MAP3K20: variants seen among roughly 807,000 people sequenced by gnomAD.
MAP3K20 encodes the protein mitogen-activated protein kinase kinase kinase 20.
A neutral mutation model predicts 85.7 loss-of-function variants in MAP3K20; 40 were observed. That is an observed-to-expected ratio of 0.47 (90% CI 0.36 to 0.61). The LOEUF (loss-of-function observed/expected upper bound fraction) is 0.61. Among genes scored for constraint, MAP3K20 ranks in the 20% least tolerant of loss-of-function variants. MAP3K20 has a pLI of 0.00. For missense variants in MAP3K20, 817 were observed against 961.7 expected, an observed-to-expected ratio of 0.85 and a Z score of 1.99; for synonymous variants, 325 against 327.7, an observed-to-expected ratio of 0.99 and a Z score of 0.09.
intron 2 of MAP3K20, among the ~76,000 whole-genome samples, chr2:173,140,276 C>T (rs575855337): frequency 6.6e-6 from 1 of 152,252 alleles, no homozygotes; most frequent in Admixed American, 6.5e-5. Flanking sequence ...TCCCAAAGTG[C>T]TGGGATTACA....
At chr2:173,094,214 C>A (rs912214063) in intron 2 of MAP3K20, among the ~76,000 whole-genome samples, 4 of 152,002 alleles carry the variant, frequency 2.6e-5, no homozygotes, top group Non-Finnish European at 4.4e-5. Context: ...TTATTCTTCC[C>A]CTACACTCAC....
At position 173,170,700 on chromosome 2, in the gene MAP3K20, T is replaced by C. The variant is rs750810629; in HGVS notation, c.247+808T>C. On this transcript the variant is annotated intron_variant, in intron 3 of 19. Transcript: ENST00000375213. ...AACAAAACACCCTCAATAAAAAGGA[T>C]TGTATTAAGTACTTTCTATAAATTA... Among the ~76,000 whole-genome samples, 57 of 152,300 alleles carry C rather than the reference T, an allele frequency of 3.7e-4. No individual in the cohort carries two copies. The Middle Eastern group carries it at 0.017, about 45-fold the overall frequency.
At chr2:173,137,582 T>C (rs12995819) in intron 2 of MAP3K20, among the ~76,000 whole-genome samples, 1 of 152,200 alleles carries the variant, frequency 6.6e-6, no homozygotes. Flanking sequence ...TTTTATTTTG[T>C]CTCTTTTCTC....
chr2:173,122,952 C>A (rs1322835302), intron 2 of MAP3K20, among the ~76,000 whole-genome samples: 1 of 152,182 alleles, frequency 6.6e-6, no homozygotes, highest in African/African-American at 2.4e-5. Flanking sequence ...AGGAAAATAA[C>A]TACAGAGTTT....
intron 17 of MAP3K20, among the ~76,000 whole-genome samples, chr2:173,259,707 A>G (rs1354135708): frequency 1.3e-5 from 2 of 152,280 alleles, no homozygotes; most frequent in Non-Finnish European, 2.9e-5. Context: ...GCAAGTGGAC[A>G]TCAAGCAGAT....
chr2:173,179,505 C>T lies in MAP3K20; in HGVS notation c.248-3349C>T, dbSNP rs188548732. ...AACCCACAGCTAATATCTTATTCCA[C>T]GGTGAAAAGCTGAATGTTTTCTCCC... On this transcript the variant is annotated intron_variant, in intron 3 of 19. Transcript: ENST00000375213. Among the ~76,000 whole-genome samples the T allele has an allele frequency of 2.6e-5, 4 of 152,118 alleles. No individual in the cohort carries two copies. In the East Asian group the frequency reaches 7.7e-4, roughly 29 times the overall value.
chr2:173,254,387 T>C (rs1685112659), intron 16 of MAP3K20, among the ~76,000 whole-genome samples: 1 of 149,776 alleles, frequency 6.7e-6, no homozygotes, highest in African/African-American at 2.5e-5. Flanking sequence ...TGAGCCAAGA[T>C]TGTGCCACTG....
chr2:173,225,796 T>A (rs1684371407), intron 11 of MAP3K20: 5 of 985,010 alleles, frequency 5.1e-6, no homozygotes, highest in Non-Finnish European at 3.6e-6. Context: ...TTATCTTAAA[T>A]CACCATTTCC....
intron 1 of MAP3K20, among the ~76,000 whole-genome samples, chr2:173,089,310 CT>C (rs367944567): frequency 1.2e-4 from 19 of 152,138 alleles, no homozygotes; most frequent in African/African-American, 4.1e-4. Context: ...TTCCTATGTA[CT>C]TTTTTGGATG....
intron 14 of MAP3K20, among the ~76,000 whole-genome samples, chr2:173,233,139 A>G (rs1346477504): frequency 6.6e-6 from 1 of 152,192 alleles, no homozygotes; most frequent in African/African-American, 2.4e-5. Flanking sequence ...TGCCTGGAAA[A>G]CAGCCATCCA....
intron 11 of MAP3K20, among the ~76,000 whole-genome samples, chr2:173,217,640 CACTG>C (rs1234971042): frequency 3.9e-5 from 6 of 152,200 alleles, no homozygotes; most frequent in African/African-American, 1.2e-4. Context: ...TCCAGCAGCT[CACTG>C]ACTAACAGAG....
intron 2 of MAP3K20, among the ~76,000 whole-genome samples, chr2:173,162,108 A>G (rs1689676472): frequency 6.9e-6 from 1 of 144,580 alleles, no homozygotes; most frequent in Non-Finnish European, 1.5e-5. Flanking sequence ...TCTTTCTGCC[A>G]CTTAGAAATA....
At chr2:173,161,758 T>C (rs575541420) in intron 2 of MAP3K20, among the ~76,000 whole-genome samples, 1 of 152,302 alleles carries the variant, frequency 6.6e-6, no homozygotes, top group South Asian at 2.1e-4. Flanking sequence ...TCCACATCTT[T>C]AGTCTCATAG....
chr2:173,095,121 T>C (rs6759787), intron 2 of MAP3K20, among the ~76,000 whole-genome samples: 64,264 of 152,054 alleles, frequency 0.42, 14,857 homozygotes, highest in African/African-American at 0.6. Context: ...CTTTTTGGAA[T>C]TCAGAATGTT....
At chr2:173,260,582 T>C (rs946792422) in intron 17 of MAP3K20, among the ~76,000 whole-genome samples, 1 of 152,178 alleles carries the variant, frequency 6.6e-6, no homozygotes, top group Non-Finnish European at 1.5e-5. Flanking sequence ...AACATAACCA[T>C]GGTTTCTTCA....
intron 2 of MAP3K20, among the ~76,000 whole-genome samples, chr2:173,137,291 A>G (rs1688824083): frequency 6.6e-6 from 1 of 152,232 alleles, no homozygotes; most frequent in Non-Finnish European, 1.5e-5. Context: ...AAACACCTGG[A>G]CTAAAGAATA....
intron 7 of MAP3K20, among the ~76,000 whole-genome samples, chr2:173,191,662 A>G (rs1163538290): frequency 2.0e-5 from 3 of 152,256 alleles, no homozygotes; most frequent in East Asian, 1.9e-4. Context: ...TAAAAGTCCA[A>G]AAGAAAATGT....
intron 1 of MAP3K20, among the ~76,000 whole-genome samples, chr2:173,079,630 AT>A (rs933806702): frequency 1.5e-4 from 23 of 151,244 alleles, no homozygotes; most frequent in Non-Finnish European, 2.9e-5. Flanking sequence ...ATTCTGTAAG[AT>A]TTTTTTTCTA....
chr2:173,221,785 C>G (rs1363575424), intron 11 of MAP3K20: 1 of 1,165,824 alleles, frequency 8.6e-7, no homozygotes, highest in Non-Finnish European at 1.1e-6. Flanking sequence ...AATTTGTGAT[C>G]CTATATACAA....
Sources: allele counts gnomAD v4.1 joint callset (sites outside exome capture counted in the v4.1 genomes callset), GRCh38; gene constraint gnomAD v4.1.1; transcripts MANE v1.5; gene names NCBI Gene and HGNC (gene_info 2026-07-23, HGNC 2026-07-21).